Variants in MTPN observed in about 807,000 individuals in gnomAD.
The protein encoded by MTPN is myotrophin.
A neutral mutation model predicts 13.5 loss-of-function variants in MTPN; 2 were observed. The ratio of observed to expected loss-of-function variants is 0.15; its 90% CI spans 0.06 to 0.47. The LOEUF is 0.47. Ranked by LOEUF, MTPN falls within the 20% of genes least tolerant of loss-of-function variation. The pLI, the probability that MTPN is intolerant of heterozygous loss-of-function variation, is 0.97. For missense variants in MTPN, 79 were observed against 137.9 expected (o/e 0.57, Z 2.14); for synonymous variants, 46 against 51.7 (o/e 0.89, Z 0.48).
intron 3 of MTPN, among the ~76,000 whole-genome samples, chr7:135,944,972 G>A (rs1344893122): frequency 6.6e-6 from 1 of 152,106 alleles, no homozygotes; most frequent in Non-Finnish European, 1.5e-5. Flanking sequence ...TACTACACAC[G>A]TAGGATATAT....
At chr7:135,970,184 A>C (rs879375120) in intron 1 of MTPN, among the ~76,000 whole-genome samples, 5 of 152,218 alleles carry the variant, frequency 3.3e-5, no homozygotes, top group Non-Finnish European at 5.9e-5. Flanking sequence ...GGGAAGAATA[A>C]ATACATTTCA....
At chr7:135,960,812 G>A (rs539857009) in intron 1 of MTPN, 1 of 150,554 alleles carries the variant, frequency 6.6e-6, no homozygotes, top group Non-Finnish European at 1.5e-5. Flanking sequence ...ATATTTTTTT[G>A]GTTTTTAATT....
At position 135,927,439 on chromosome 7, in the gene MTPN, G is replaced by A. The variant is rs1798937834; in HGVS notation, c.*2487C>T. On this transcript the variant is annotated 3_prime_UTR_variant, in exon 4 of 4. Coordinates refer to ENST00000393085, the MANE Select transcript of MTPN (RefSeq NM_145808.4). ...GTACTTGATATAGTGCATATGAAAT[G>A]ACTGATTTAATACAAAACTACAGAA... The A allele has an allele frequency of 2.6e-6, 4 of 1,535,090 alleles. No individual in the cohort carries two copies. The highest frequency in any genetic ancestry group is 2.5e-5 in the East Asian group (1 of 40,762).
chr7:135,929,919 C>T lies in MTPN; in HGVS notation c.*7G>A, dbSNP rs754750494. ...CATTCTTCCGGAGTTATCAGTCCAT[C>T]CATCCATCACTGGAGAAGAGCTTTG... On this transcript the variant is annotated 3_prime_UTR_variant, in exon 4 of 4. Transcript: ENST00000393085. The T allele has an allele frequency of 4.3e-6, 7 of 1,613,774 alleles. No individual in the cohort carries two copies. Among genetic ancestry groups the T allele is most frequent in the South Asian group, 1.1e-5 (1 of 91,072 alleles).
intron 2 of MTPN, among the ~76,000 whole-genome samples, chr7:135,950,908 GC>G (rs1030478710): frequency 6.6e-6 from 1 of 152,110 alleles, no homozygotes; most frequent in Non-Finnish European, 1.5e-5. Flanking sequence ...AGGGAGCAGG[GC>G]TTTGACCTCA....
chr7:135,930,539 A>G (rs1400549470), intron 3 of MTPN, among the ~76,000 whole-genome samples: 1 of 152,164 alleles, frequency 6.6e-6, no homozygotes, highest in Non-Finnish European at 1.5e-5. Flanking sequence ...GTTCCCTGCG[A>G]TATTGTAGGG....
intron 3 of MTPN, among the ~76,000 whole-genome samples, chr7:135,947,411 A>G (rs931781219): frequency 1.3e-5 from 2 of 152,036 alleles, no homozygotes; most frequent in African/African-American, 2.4e-5. Flanking sequence ...GATGGATCCA[A>G]TTCTTCTGGT....
At chr7:135,950,549 G>A (rs750604231) in intron 3 of MTPN, 50 bp downstream of exon 3, 10 of 1,352,916 alleles carry the variant, frequency 7.4e-6, no homozygotes, top group Non-Finnish European at 1.0e-5. Flanking sequence ...TCAAATACTT[G>A]GCTTAAACAC....
rs1201230675 is a variant in MTPN at position 135,928,173 on chromosome 7, A to G, written c.*1753T>C. On this transcript the variant is annotated 3_prime_UTR_variant, in exon 4 of 4. Transcript: ENST00000393085. The stretch of plus-strand genomic sequence containing the variant: ...ATTAAGACAGCAAAATTAGCCAAAT[A>G]CAACAAAGTATTTAAACCACTACTT... The G allele has an allele frequency of 6.0e-6, 1 of 168,020 alleles. No homozygotes were observed. Among genetic ancestry groups the G allele is most frequent in the Non-Finnish European group, 1.5e-5 (1 of 68,858 alleles). 10.4% of individuals were successfully genotyped at this position (168,020 alleles called of 1,614,324 possible).
At chr7:135,966,460 T>C (rs1382351511) in intron 1 of MTPN, among the ~76,000 whole-genome samples, 1 of 152,088 alleles carries the variant, frequency 6.6e-6, no homozygotes, top group Non-Finnish European at 1.5e-5. Context: ...ATTTTGACTT[T>C]GAAAGCTCTG....
intron 1 of MTPN, among the ~76,000 whole-genome samples, chr7:135,972,161 A>C (rs1180565079): frequency 1.5e-5 from 2 of 135,424 alleles, no homozygotes; most frequent in Non-Finnish European, 3.1e-5. Flanking sequence ...TGTTGTTAGC[A>C]AAAAAAAAAA....
At chr7:135,953,715 TAG>T (rs1481033263) in intron 1 of MTPN, among the ~76,000 whole-genome samples, 2 of 152,318 alleles carry the variant, frequency 1.3e-5, no homozygotes, top group South Asian at 2.1e-4. Context: ...AACTAAATTA[TAG>T]AGTGTTTCCA....
intron 1 of MTPN, among the ~76,000 whole-genome samples, chr7:135,971,231 G>A (rs1401740190): frequency 6.6e-6 from 1 of 152,056 alleles, no homozygotes; most frequent in Admixed American, 6.6e-5. Context: ...TAGAGACCAG[G>A]CTTCTATTTC....
At chr7:135,966,987 G>A (rs771685546) in intron 1 of MTPN, among the ~76,000 whole-genome samples, 8 of 152,034 alleles carry the variant, frequency 5.3e-5, no homozygotes, top group Non-Finnish European at 8.8e-5. Context: ...TGGAGAGGGC[G>A]GTGAAGAGCC....
At chr7:135,943,134 G>C (rs1262285408) in intron 3 of MTPN, among the ~76,000 whole-genome samples, 1 of 152,130 alleles carries the variant, frequency 6.6e-6, no homozygotes, top group Non-Finnish European at 1.5e-5. Flanking sequence ...AACCCAACTT[G>C]ACCATGTTAT....
chr7:135,957,590 C>T (rs1398803366), intron 1 of MTPN, among the ~76,000 whole-genome samples: 1 of 152,068 alleles, frequency 6.6e-6, no homozygotes, highest in South Asian at 2.1e-4. Flanking sequence ...ATTATTATAT[C>T]ATTTATTCCA....
chr7:135,969,520 CA>C (rs5887753), intron 1 of MTPN, among the ~76,000 whole-genome samples: 40,041 of 148,230 alleles, frequency 0.27, 5,543 homozygotes, highest in African/African-American at 0.27. Flanking sequence ...TGAGAACTGT[CA>C]AAAAAAAAGT....
intron 1 of MTPN, among the ~76,000 whole-genome samples, chr7:135,973,959 A>G (rs1799734476): frequency 6.6e-6 from 1 of 152,090 alleles, no homozygotes; most frequent in Non-Finnish European, 1.5e-5. Context: ...GTAGTGTTGA[A>G]AGACTTTAAA....
chr7:135,936,177 G>GTAATC (rs1030858942), intron 3 of MTPN, among the ~76,000 whole-genome samples: 3 of 152,088 alleles, frequency 2.0e-5, no homozygotes, highest in Non-Finnish European at 4.4e-5. Flanking sequence ...CCAATAAGAG[G>GTAATC]TAATCAATAC....
Sources: allele counts gnomAD v4.1 joint callset (sites outside exome capture counted in the v4.1 genomes callset), GRCh38; gene constraint gnomAD v4.1.1; transcripts MANE v1.5; gene names NCBI Gene and HGNC (gene_info 2026-07-23, HGNC 2026-07-21).